DOCK3: variants seen among roughly 807,000 people sequenced by gnomAD.
The protein encoded by DOCK3 is dedicator of cytokinesis protein 3.
A neutral mutation model predicts 265.6 loss-of-function variants in DOCK3; 60 were observed. The ratio of observed to expected loss-of-function variants is 0.23; its 90% confidence interval spans 0.18 to 0.28. The LOEUF is 0.28. DOCK3 is among the 10% of genes least tolerant of loss of function. The pLI, the probability that DOCK3 is intolerant of heterozygous loss-of-function variation, is 1.00. For missense variants in DOCK3, 1,981 were observed against 2,594.3 expected (o/e 0.76, Z 5.14); for synonymous variants, 881 against 938.0 (o/e 0.94, Z 1.11).
chr3:51,305,500 A>G (rs1229228046), intron 27 of DOCK3, among the ~76,000 whole-genome samples: 1 of 152,126 alleles, frequency 6.6e-6, no homozygotes, highest in African/African-American at 2.4e-5. Context: ...TTTTTAAATT[A>G]ATTTTTCCCA....
At chr3:50,825,883 A>G (rs2107004150) in intron 2 of DOCK3, among the ~76,000 whole-genome samples, 1 of 152,204 alleles carries the variant, frequency 6.6e-6, no homozygotes, top group South Asian at 2.1e-4. Flanking sequence ...TGTCAGCTGA[A>G]TCTATGTTAG....
At chr3:51,053,683 A>C (rs2109145129) in intron 5 of DOCK3, among the ~76,000 whole-genome samples, 1 of 152,126 alleles carries the variant, frequency 6.6e-6, no homozygotes, top group Middle Eastern at 3.4e-3. Flanking sequence ...GGCCTCCCAA[A>C]GTTCTGGGAT....
chr3:51,129,545 A>G (rs1048548784), intron 9 of DOCK3, among the ~76,000 whole-genome samples: 1 of 152,186 alleles, frequency 6.6e-6, no homozygotes, highest in African/African-American at 2.4e-5. Flanking sequence ...GCTGCTGTGT[A>G]TGATCCCCTT....
chr3:51,369,714 A>G (rs1453626304), intron 49 of DOCK3, among the ~76,000 whole-genome samples: 1 of 152,200 alleles, frequency 6.6e-6, no homozygotes, highest in Non-Finnish European at 1.5e-5. Context: ...TGACTGCTGT[A>G]TGGCACAGTG....
At chr3:50,679,067 C>T (rs898895629) in intron 1 of DOCK3, among the ~76,000 whole-genome samples, 1 of 152,226 alleles carries the variant, frequency 6.6e-6, no homozygotes, top group Non-Finnish European at 1.5e-5. Flanking sequence ...CTCGCCTCGG[C>T]CTCCCGAAGT....
At chr3:51,124,614 A>G (rs913742682) in intron 9 of DOCK3, among the ~76,000 whole-genome samples, 6 of 152,176 alleles carry the variant, frequency 3.9e-5, no homozygotes, top group African/African-American at 1.4e-4. Context: ...AAGTCTGGGT[A>G]TATCCATTTG....
chr3:50,866,935 A>G (rs1303733584), intron 3 of DOCK3, among the ~76,000 whole-genome samples: 1 of 152,158 alleles, frequency 6.6e-6, no homozygotes, highest in Non-Finnish European at 1.5e-5. Flanking sequence ...GTGGTTCCAA[A>G]TATATTTTAG....
At chr3:50,911,789 T>C (rs1289752719) in intron 4 of DOCK3, among the ~76,000 whole-genome samples, 1 of 152,110 alleles carries the variant, frequency 6.6e-6, no homozygotes, top group Non-Finnish European at 1.5e-5. Flanking sequence ...CACAATATTC[T>C]TCCTATTCAT....
At chr3:51,314,237 C>G (rs984934664) in intron 31 of DOCK3, among the ~76,000 whole-genome samples, 30 of 152,134 alleles carry the variant, frequency 2.0e-4, no homozygotes, top group Non-Finnish European at 2.9e-4. Context: ...CTAGATGGCA[C>G]GCCAATGAGA....
chr3:50,773,538 CAG>C lies in DOCK3; in HGVS notation c.38-5136_38-5135del, dbSNP rs567124001. Reference sequence around the variant, plus strand: ...TAATTAGTGATGTGGATTAAGAAGACAGGAGTGGTGGTGAGTGCTCCAGAGAT... The same window carrying C: ...TAATTAGTGATGTGGATTAAGAAGACGAGTGGTGGTGAGTGCTCCAGAGAT... On this transcript the variant is annotated intron_variant, in intron 1 of 52. Transcript: ENST00000266037. Among the ~76,000 whole-genome samples, 307 of 152,194 alleles carry C rather than the reference CAG, an allele frequency of 2.0e-3. 1 individual carries two copies. Among genetic ancestry groups the C allele is most frequent in the Non-Finnish European group, 2.8e-3 (191 of 67,944 alleles).
At chr3:51,312,668 C>A in intron 30 of DOCK3, 92 bp downstream of exon 30, 1 of 1,347,200 alleles carries the variant, frequency 7.4e-7, no homozygotes, top group Non-Finnish European at 1.0e-6. Context: ...ACAAGGTTCT[C>A]AGCTGGGTGG....
chr3:50,989,386 G>C (rs12490502), intron 5 of DOCK3, among the ~76,000 whole-genome samples: 11,201 of 152,080 alleles, frequency 0.074, 1,015 homozygotes, highest in East Asian at 0.34. Flanking sequence ...TAGCAGTCAG[G>C]GGGGAGAGGA....
intron 12 of DOCK3, among the ~76,000 whole-genome samples, chr3:51,205,161 T>C (rs181094654): frequency 2.0e-5 from 3 of 150,548 alleles, no homozygotes; most frequent in African/African-American, 7.3e-5. Flanking sequence ...AAACTTAAAG[T>C]ATAATAATAA....
At chr3:50,818,343 G>T (rs766016605) in intron 2 of DOCK3, among the ~76,000 whole-genome samples, 9 of 152,170 alleles carry the variant, frequency 5.9e-5, no homozygotes, top group Non-Finnish European at 1.2e-4. Flanking sequence ...ATTGACTCTT[G>T]TTGACTTCTC....
chr3:51,333,171 G>T lies in DOCK3; in HGVS notation c.3529G>T (p.Val1177Phe). 1 of 1,614,008 alleles carries T rather than the reference G, an allele frequency of 6.2e-7. No homozygotes were observed. Among genetic ancestry groups the T allele is most frequent in the Non-Finnish European group, 8.5e-7 (1 of 1,179,908 alleles). ...FGPYPSLLEK[V>F]EQETWRETGI... ...CTCCACCAATAGCCTGCTGGAGAAG[G>T]TTGAACAAGAAACATGGCGCGAGAC... The change falls in exon 35 of 53, where the codon GTT (valine) becomes TTT (phenylalanine). Residue 1177 changes from valine (V) to phenylalanine (F), a missense_variant. Val to Phe is a conservative substitution (Grantham distance 50). Around this residue, in one of 4 missense-constraint regions of DOCK3, gnomAD observed 1,357 missense variants for 1,866.8 expected, o/e 0.73. Transcript: ENST00000266037.
rs149684130 is a variant in DOCK3, at chr3:51,160,815, G to A, written c.1037+113G>A. The stretch of plus-strand genomic sequence containing the variant: ...GGACACAGGCCACGCAGTGGCTCAC[G>A]CCTGTATTCCCAACACTTTGGGAGG... On this transcript the variant is annotated intron_variant, in intron 12 of 52. Transcript: ENST00000266037. 7.3e-5 allele frequency: 96 copies of A among 1,316,388 alleles called. No individual in the cohort carries two copies. The East Asian group carries it at 2.2e-3, about 30-fold the overall frequency. 81.5% of individuals were successfully genotyped at this position (1,316,388 alleles called of 1,614,324 possible).
chr3:51,362,086 A>G (rs1247435182), intron 48 of DOCK3, 89 bp downstream of exon 48: 2 of 1,460,156 alleles, frequency 1.4e-6, no homozygotes, highest in African/African-American at 1.4e-5. Context: ...GGGCTTGGCA[A>G]CCCTGCCTAA....
intron 15 of DOCK3, 101 bp downstream of exon 15, chr3:51,225,874 C>A: frequency 7.1e-7 from 1 of 1,409,960 alleles, no homozygotes; most frequent in Non-Finnish European, 9.4e-7. Context: ...GGATTAAAAT[C>A]ACCCCATCAG....
intron 3 of DOCK3, among the ~76,000 whole-genome samples, chr3:50,886,091 A>G (rs1473983349): frequency 6.6e-6 from 1 of 151,540 alleles, no homozygotes; most frequent in Non-Finnish European, 1.5e-5. Flanking sequence ...AAAAAGATAA[A>G]CTAGGGAATT....
Sources: allele counts gnomAD v4.1 joint callset (sites outside exome capture counted in the v4.1 genomes callset), GRCh38; gene constraint gnomAD v4.1.1; regional missense constraint gnomAD v4.1.1; transcripts MANE v1.5; gene names NCBI Gene and HGNC (gene_info 2026-07-23, HGNC 2026-07-21).